TGFBRAP1: variants seen among roughly 807,000 people sequenced by gnomAD.
TGFBRAP1 encodes the protein transforming growth factor-beta receptor-associated protein 1.
A neutral mutation model predicts 83.2 loss-of-function variants in TGFBRAP1; 20 were observed. The ratio of observed to expected loss-of-function variants is 0.24; its 90% CI spans 0.17 to 0.35. TGFBRAP1 has a LOEUF of 0.35. Ranked by LOEUF, TGFBRAP1 falls within the 10% of genes least tolerant of loss-of-function variation. TGFBRAP1 has a pLI of 1.00. For synonymous variants in TGFBRAP1, 415 were observed against 459.8 expected, an observed-to-expected ratio of 0.90 and a Z score of 1.25; for missense variants, 950 against 1,099.4, an observed-to-expected ratio of 0.86 and a Z score of 1.92.
rs1294674300 is a variant in TGFBRAP1 at position 105,273,639 on chromosome 2, T to C, written c.1717A>G (p.Ser573Gly). Reference protein sequence around the residue: ...KRPLDEQQKNSFNPDDIINCL... With the variant: ...KRPLDEQQKNGFNPDDIINCL... The stretch of plus-strand genomic sequence containing the variant: ...TTGATAATGTCGTCTGGATTAAAAC[T>C]GTTCTTCTGCTGTTCATCCAAAGGT... The change falls in exon 9 of 12, where the codon AGT (serine) becomes GGT (glycine). Residue 573 changes from serine to glycine, a missense_variant. Physicochemically the swap from Ser to Gly is moderately conservative, Grantham distance 56. Coordinates refer to ENST00000393359, the MANE Select transcript of TGFBRAP1 (RefSeq NM_004257.6). The C allele has an allele frequency of 1.2e-6, 2 of 1,614,226 alleles. No homozygotes were observed. Among genetic ancestry groups the C allele is most frequent in the South Asian group, 2.2e-5 (2 of 91,080 alleles).
chr2:105,289,240 TACACAAAAAA>T (rs1195854317), intron 4 of TGFBRAP1, among the ~76,000 whole-genome samples: 8 of 151,800 alleles, frequency 5.3e-5, no homozygotes, highest in African/African-American at 1.9e-4. Flanking sequence ...GGGAAGGATA[TACACAAAAAA>T]TTGCAACACT....
chr2:105,263,137 G>T (rs542360439), downstream of TGFBRAP1, among the ~76,000 whole-genome samples: 1 of 152,318 alleles, frequency 6.6e-6, no homozygotes, highest in East Asian at 1.9e-4. Flanking sequence ...ATCTGCCGTT[G>T]TAACATTCTC....
chr2:105,284,262 C>T, intron 5 of TGFBRAP1, 54 bp downstream of exon 5: 1 of 1,553,568 alleles, frequency 6.4e-7, no homozygotes, highest in Non-Finnish European at 8.9e-7. Flanking sequence ...AACGCAGGTT[C>T]TGGCCACAGA....
chr2:105,260,346 T>C (rs1052961815), downstream of TGFBRAP1, among the ~76,000 whole-genome samples: 2 of 152,088 alleles, frequency 1.3e-5, no homozygotes, highest in Non-Finnish European at 2.9e-5. Context: ...GAGGCGGAGG[T>C]TGCAGTGAAC....
At chr2:105,262,262 G>A (rs140848482), downstream of TGFBRAP1, among the ~76,000 whole-genome samples, 46 of 152,244 alleles carry the variant, frequency 3.0e-4, no homozygotes, top group African/African-American at 9.4e-4. Flanking sequence ...ATTGGAACCC[G>A]GGGACGAATC....
At chr2:105,277,701 C>T in intron 6 of TGFBRAP1, 30 bp from the exon 7 acceptor site, 2 of 1,610,890 alleles carry the variant, frequency 1.2e-6, no homozygotes, top group Non-Finnish European at 8.5e-7. Context: ...TAAGTACAAC[C>T]TCTCCCCATC....
At position 105,273,335 on chromosome 2, in the gene TGFBRAP1, G is replaced by A. The variant is rs765358665; in HGVS notation, c.1812+209C>T. The stretch of plus-strand genomic sequence containing the variant: ...AAAAGAGAGGAAAAATAAAAGCTGA[G>A]TGGGTGTGAGACGGACGGAGAAAAA... On this transcript the variant is annotated intron_variant, in intron 9 of 11. Transcript: ENST00000393359. Among the ~76,000 whole-genome samples, 66 of 152,160 alleles carry A rather than the reference G, an allele frequency of 4.3e-4. 2 individuals carry two copies. Among genetic ancestry groups the A allele is most frequent in the Non-Finnish European group, 2.8e-4 (19 of 68,032 alleles).
chr2:105,329,205 C>A (rs1679300692), intron 1 of TGFBRAP1, among the ~76,000 whole-genome samples: 1 of 152,090 alleles, frequency 6.6e-6, no homozygotes. Context: ...GATGGAGGTG[C>A]AAGTCCTTCC....
intron 10 of TGFBRAP1, among the ~76,000 whole-genome samples, chr2:105,271,239 A>G (rs1340558033): frequency 1.3e-5 from 2 of 152,212 alleles, no homozygotes; most frequent in African/African-American, 2.4e-5. Context: ...AGTCTCATCC[A>G]TCTTTGTATC....
At chr2:105,273,051 G>A in intron 9 of TGFBRAP1, 37 bp from the exon 10 acceptor site, 1 of 1,596,828 alleles carries the variant, frequency 6.3e-7, no homozygotes, top group African/African-American at 1.3e-5. Flanking sequence ...GACAGACAGT[G>A]TTTTCAAGTG....
chr2:105,250,595 C>G, the TGFBRAP1 span, among the ~76,000 whole-genome samples: 1 of 131,124 alleles, frequency 7.6e-6, no homozygotes, highest in Non-Finnish European at 1.7e-5. Context: ...CTCTCCCTCT[C>G]CCTCCTCTCC....
Position 105,269,264 on chromosome 2 carries a change from G to A in TGFBRAP1, c.2406+8C>T, listed in dbSNP as rs759308766. 1 of 1,590,044 alleles carries A rather than the reference G, an allele frequency of 6.3e-7. No homozygotes were observed. Among genetic ancestry groups the A allele is most frequent in the East Asian group, 2.3e-5 (1 of 44,294 alleles). On this transcript the variant is annotated splice_region_variant and intron_variant, in intron 11 of 11. Transcript: ENST00000393359. This position sits in a 1 kb window ranked among gnomAD's most constrained non-coding sequence, Gnocchi z 4.1. ...ACCAGGAAGCAGCTCGTGGGGGCCA[G>A]CACTTACCTTATCGTAGGTGTAGAT...
intron 1 of TGFBRAP1, among the ~76,000 whole-genome samples, chr2:105,314,296 G>C (rs1387083725): frequency 6.9e-6 from 1 of 145,462 alleles, no homozygotes; most frequent in Non-Finnish European, 1.5e-5. Flanking sequence ...TGTCGCCCAG[G>C]CTGGAGTGCA....
At chr2:105,296,227 T>C (rs1678084338) in intron 4 of TGFBRAP1, 129 bp downstream of exon 4, 1 of 1,177,750 alleles carries the variant, frequency 8.5e-7, no homozygotes, top group Non-Finnish European at 1.2e-6. Context: ...GTTGAGAAAA[T>C]TAAACAACAG....
intron 5 of TGFBRAP1, among the ~76,000 whole-genome samples, chr2:105,282,490 G>A (rs1258452341): frequency 6.6e-6 from 1 of 152,314 alleles, no homozygotes; most frequent in Middle Eastern, 3.4e-3. Context: ...GCACAGAAAA[G>A]GAAGTGGAAT....
At chr2:105,324,542 G>A (rs551006111) in intron 1 of TGFBRAP1, among the ~76,000 whole-genome samples, 77 of 152,270 alleles carry the variant, frequency 5.1e-4, no homozygotes, top group African/African-American at 1.7e-3. Context: ...TTTTAGAGGT[G>A]ATTTTTCTCC....
At chr2:105,310,294 C>G (rs1287899759) in intron 1 of TGFBRAP1, among the ~76,000 whole-genome samples, 1 of 152,186 alleles carries the variant, frequency 6.6e-6, no homozygotes, top group Non-Finnish European at 1.5e-5. Context: ...AGCTCTCACT[C>G]CTCTCTCAAA....
chr2:105,316,464 C>T (rs7566467), intron 1 of TGFBRAP1, among the ~76,000 whole-genome samples: 31,246 of 79,986 alleles, frequency 0.39, 3,804 homozygotes, highest in East Asian at 0.51. Context: ...TGTGTGTGTG[C>T]GCGCGCGCGC....
the TGFBRAP1 span, among the ~76,000 whole-genome samples, chr2:105,253,258 G>A: frequency 3.3e-5 from 5 of 152,156 alleles, no homozygotes; most frequent in South Asian, 4.2e-4. Flanking sequence ...TCAGACTCCC[G>A]AGTAGGTGGG....
Sources: gnomAD v4.1 joint callset for allele counts (sites outside exome capture counted in the v4.1 genomes callset) on GRCh38, gnomAD v4.1.1 for gene constraint, Gnocchi (gnomAD v3.1) non-coding constraint, MANE v1.5 for transcripts, NCBI Gene and HGNC (gene_info 2026-07-23, HGNC 2026-07-21) for gene names.